Variants in GAS7 observed in about 807,000 individuals in gnomAD.
GAS7 encodes the protein growth arrest specific 7.
A neutral mutation model predicts 71.1 loss-of-function variants in GAS7; 28 were observed. The observed-to-expected ratio is 0.39, with a 90% CI of 0.29 to 0.54. GAS7 has a LOEUF of 0.54. Ranked by LOEUF, GAS7 falls within the 20% of genes least tolerant of loss-of-function variation. The pLI is 0.62. For synonymous variants in GAS7, 258 were observed against 245.8 expected (o/e 1.05, Z -0.46); for missense variants, 436 against 627.8 (o/e 0.69, Z 3.27).
At position 9,974,505 on chromosome 17, in the gene GAS7, G is replaced by A. The variant is rs1344634708; in HGVS notation, c.386-4743C>T. ...CATAAAGGGAACATAATTCAGTCTG[G>A]AGATACAAGGAAAAAAAAAAAGCAA... On this transcript the variant is annotated intron_variant, in intron 3 of 13. Transcript: ENST00000432992. This position sits in a 1 kb window ranked among gnomAD's most constrained non-coding sequence, Gnocchi z 4.0. Among the ~76,000 whole-genome samples, 3 of 151,366 alleles carry A rather than the reference G, an allele frequency of 2.0e-5. No homozygotes were observed. Among genetic ancestry groups the A allele is most frequent in the Non-Finnish European group, 4.4e-5 (3 of 67,854 alleles).
chr17:9,991,475 G>A (rs753829358), intron 2 of GAS7, among the ~76,000 whole-genome samples: 3 of 152,194 alleles, frequency 2.0e-5, no homozygotes, highest in Non-Finnish European at 2.9e-5. Flanking sequence ...CAGAGGCCCC[G>A]TCAGTGTCCT....
chr17:10,176,785 GTGGCC>G (rs1172067656), intron 1 of GAS7, among the ~76,000 whole-genome samples: 2 of 152,262 alleles, frequency 1.3e-5, no homozygotes, highest in East Asian at 3.9e-4. Context: ...CCAGGAGCCA[GTGGCC>G]TTCCCTTAAT....
At chr17:10,049,933 A>G (rs115310205) in intron 1 of GAS7, among the ~76,000 whole-genome samples, 11,630 of 152,170 alleles carry the variant, frequency 0.076, 1,059 homozygotes, top group African/African-American at 0.22. Flanking sequence ...AATTAGTTTT[A>G]CAATCAGCAA....
intron 9 of GAS7, among the ~76,000 whole-genome samples, chr17:9,930,655 T>C (rs985583962): frequency 2.0e-5 from 3 of 152,188 alleles, no homozygotes; most frequent in African/African-American, 7.2e-5. Context: ...TGCAACAAAA[T>C]TGCATTTCTT....
intron 9 of GAS7, among the ~76,000 whole-genome samples, chr17:9,928,095 CATTT>C (rs60574999): frequency 2.0e-5 from 3 of 151,472 alleles, no homozygotes; most frequent in Non-Finnish European, 2.9e-5. Flanking sequence ...GTGAGCATAA[CATTT>C]ATTTATTTTT....
chr17:10,111,167 G>A (rs1468836649), intron 1 of GAS7, among the ~76,000 whole-genome samples: 1 of 152,132 alleles, frequency 6.6e-6, no homozygotes, highest in Non-Finnish European at 1.5e-5. Flanking sequence ...TTGGGAGGCT[G>A]AGATGGGAGG....
chr17:10,054,706 T>A (rs936491646), intron 1 of GAS7, among the ~76,000 whole-genome samples: 1 of 152,176 alleles, frequency 6.6e-6, no homozygotes, highest in African/African-American at 2.4e-5. Context: ...AATCAGCACG[T>A]CTGCTCCATA....
intron 1 of GAS7, among the ~76,000 whole-genome samples, chr17:10,047,265 G>C (rs1449913895): frequency 6.6e-6 from 1 of 152,216 alleles, no homozygotes; most frequent in Non-Finnish European, 1.5e-5. Context: ...CAGGAACTGT[G>C]AGTTTTCATG....
At chr17:10,186,557 C>G (rs1479378588) in intron 1 of GAS7, among the ~76,000 whole-genome samples, 2 of 151,890 alleles carry the variant, frequency 1.3e-5, no homozygotes, top group Non-Finnish European at 2.9e-5. Context: ...GCATGTGCCA[C>G]CAAGCCAGGC....
At chr17:9,978,023 C>T (rs1296738994) in intron 3 of GAS7, among the ~76,000 whole-genome samples, 3 of 151,986 alleles carry the variant, frequency 2.0e-5, no homozygotes, top group Non-Finnish European at 4.4e-5. Flanking sequence ...CCAGCCTGGG[C>T]AATATAGTGG....
chr17:9,924,512 C>T (rs925032102), intron 11 of GAS7, among the ~76,000 whole-genome samples: 1 of 136,986 alleles, frequency 7.3e-6, no homozygotes, highest in Non-Finnish European at 1.5e-5. Context: ...TTAAACAGAT[C>T]TCTTCCCCTT....
In GAS7 at chr17:9,947,574, G is replaced by A. The variant is rs149906463; in HGVS notation, c.526-591C>T. Among the ~76,000 whole-genome samples the A allele has an allele frequency of 8.7e-3, 1,323 of 152,054 alleles. 19 individuals carry two copies. The highest frequency in any genetic ancestry group is 0.03 in the African/African-American group (1,261 of 41,508). On this transcript the variant is annotated intron_variant, in intron 5 of 13. Transcript: ENST00000432992. ...AGCCTGACCAACAGGGAGAAACCCC[G>A]TCTCTACTAAAAATACAAAATTAGC...
intron 1 of GAS7, among the ~76,000 whole-genome samples, chr17:10,154,747 A>G (rs2074191765): frequency 6.6e-6 from 1 of 152,138 alleles, no homozygotes; most frequent in African/African-American, 2.4e-5. Context: ...CTGTGCTCTT[A>G]ACAACTGTAT....
intron 1 of GAS7, among the ~76,000 whole-genome samples, chr17:10,023,221 G>T (rs2072338133): frequency 6.6e-6 from 1 of 152,134 alleles, no homozygotes; most frequent in Non-Finnish European, 1.5e-5. Context: ...CCTCCTGCAG[G>T]GCCGCACTCT....
chr17:10,002,989 G>A (rs1410634151), intron 2 of GAS7, among the ~76,000 whole-genome samples: 1 of 152,178 alleles, frequency 6.6e-6, no homozygotes, highest in African/African-American at 2.4e-5. Flanking sequence ...TTGCCACACT[G>A]GAAGACCACA....
chr17:10,027,776 T>C (rs2072504891), intron 1 of GAS7, among the ~76,000 whole-genome samples: 1 of 152,232 alleles, frequency 6.6e-6, no homozygotes, highest in African/African-American at 2.4e-5. Context: ...CTTGTGCCTA[T>C]AATCCCAGCT....
chr17:9,978,979 C>T (rs1004378256), intron 3 of GAS7, among the ~76,000 whole-genome samples: 1 of 152,156 alleles, frequency 6.6e-6, no homozygotes, highest in Non-Finnish European at 1.5e-5. Context: ...GCAGCCCTGG[C>T]CTCTACCCAC....
At position 9,969,957 on chromosome 17, in the gene GAS7, T is replaced by C. The variant is rs2069891375; in HGVS notation, c.386-195A>G. Among the ~76,000 whole-genome samples the C allele has an allele frequency of 6.6e-6, 1 of 152,202 alleles. No homozygotes were observed. Among genetic ancestry groups the C allele is most frequent in the African/African-American group, 2.4e-5 (1 of 41,456 alleles). ...TGGGTTGAAGGCATCTCTCTAATCC[T>C]CAGCACCCAAATTACTGAATTCTTA... is the stretch of plus-strand genomic sequence containing the variant. On this transcript the variant is annotated intron_variant, in intron 3 of 13. Transcript: ENST00000432992. The surrounding 1 kb of genome is among the most constrained non-coding windows in gnomAD (Gnocchi z 5.5).
At chr17:10,040,881 G>A (rs1183385656) in intron 1 of GAS7, among the ~76,000 whole-genome samples, 1 of 152,162 alleles carries the variant, frequency 6.6e-6, no homozygotes, top group African/African-American at 2.4e-5. Context: ...GTAAAAGCGG[G>A]CCGGGCACGG....
Sources: allele counts gnomAD v4.1 joint callset (sites outside exome capture counted in the v4.1 genomes callset), GRCh38; gene constraint gnomAD v4.1.1; non-coding constraint Gnocchi (gnomAD v3.1); transcripts MANE v1.5; gene names NCBI Gene and HGNC (gene_info 2026-07-23, HGNC 2026-07-21).